EPB41L4A: variants seen among roughly 807,000 people sequenced by gnomAD.
EPB41L4A encodes the protein erythrocyte membrane protein band 4.1 like 4A.
In EPB41L4A, 100 loss-of-function variants were observed where a neutral mutation model predicts 108.6. The observed-to-expected ratio is 0.92, with a 90% CI of 0.78 to 1.09. The LOEUF (loss-of-function observed/expected upper bound fraction) is 1.09. EPB41L4A is among the 50% of genes least tolerant of loss of function. EPB41L4A has a pLI of 0.00. For synonymous variants in EPB41L4A, 319 were observed against 289.0 expected, an observed-to-expected ratio of 1.10 and a Z score of -1.05; for missense variants, 1,030 against 842.7, an observed-to-expected ratio of 1.22 and a Z score of -2.75.
At chr5:112,384,686 AGAAAGGAAGGAAG>A (rs774653168) in intron 1 of EPB41L4A, among the ~76,000 whole-genome samples, 3 of 151,142 alleles carry the variant, frequency 2.0e-5, no homozygotes, top group Non-Finnish European at 2.9e-5. Context: ...CTTTTGAGGA[AGAAAGGAAGGAAG>A]GAAGGAAGGG....
intron 11 of EPB41L4A, among the ~76,000 whole-genome samples, chr5:112,237,077 C>T (rs575009108): frequency 6.6e-6 from 1 of 152,268 alleles, no homozygotes; most frequent in African/African-American, 2.4e-5. Flanking sequence ...AAATTCTACA[C>T]AACTCATTAA....
intron 1 of EPB41L4A, among the ~76,000 whole-genome samples, chr5:112,385,723 C>T (rs1250423082): frequency 1.3e-5 from 2 of 152,010 alleles, no homozygotes; most frequent in African/African-American, 4.8e-5. Context: ...AAATGGAAAC[C>T]GAAAATTGGT....
In EPB41L4A at chr5:112,264,911, A is replaced by T; in HGVS notation, c.539T>A (p.Ile180Asn). ...TGATTCTTACATTAGAGTTTTATGA[A>T]TCCTTTCTATGGCTTCTTCAAGTTC... ...KEELEEAIERIHKTLMGQIPS... is the reference protein window; with the variant it reads ...KEELEEAIERNHKTLMGQIPS... Residue 180 changes from isoleucine to asparagine, a missense_variant, in exon 6 of 23, where the codon ATT becomes AAT. Physicochemically the swap from Ile to Asn is moderately radical, Grantham distance 149. Coordinates refer to ENST00000261486, the MANE Select transcript of EPB41L4A (RefSeq NM_022140.5). 1 of 1,611,936 alleles carries T rather than the reference A, an allele frequency of 6.2e-7. No individual in the cohort carries two copies. Among genetic ancestry groups the T allele is most frequent in the Non-Finnish European group, 8.5e-7 (1 of 1,179,326 alleles).
chr5:112,312,079 T>C (rs1321318962), intron 1 of EPB41L4A, among the ~76,000 whole-genome samples: 3 of 152,244 alleles, frequency 2.0e-5, no homozygotes, highest in African/African-American at 7.2e-5. Flanking sequence ...TTTGTGCTTC[T>C]GTGTCCAGCA....
intron 1 of EPB41L4A, among the ~76,000 whole-genome samples, chr5:112,395,885 C>T (rs1383554208): frequency 6.6e-6 from 1 of 152,168 alleles, no homozygotes; most frequent in Non-Finnish European, 1.5e-5. Context: ...GAAAATGTGG[C>T]ACATTATACA....
intron 1 of EPB41L4A, among the ~76,000 whole-genome samples, chr5:112,394,573 G>C (rs1761198087): frequency 6.6e-6 from 1 of 152,114 alleles, no homozygotes; most frequent in Non-Finnish European, 1.5e-5. Flanking sequence ...ACAAACCACT[G>C]CTCAATGAAA....
At chr5:112,340,345 C>T (rs924283376) in intron 1 of EPB41L4A, among the ~76,000 whole-genome samples, 1 of 152,186 alleles carries the variant, frequency 6.6e-6, no homozygotes, top group African/African-American at 2.4e-5. Flanking sequence ...CCTAATTCAG[C>T]TGATCTGGAG....
intron 9 of EPB41L4A, among the ~76,000 whole-genome samples, chr5:112,244,616 T>C (rs555516719): frequency 2.0e-5 from 3 of 152,270 alleles, no homozygotes; most frequent in East Asian, 1.9e-4. Flanking sequence ...GATGTCTACA[T>C]AGTGTGCGGG....
At chr5:112,411,400 C>T (rs547012702) in intron 1 of EPB41L4A, among the ~76,000 whole-genome samples, 16 of 152,226 alleles carry the variant, frequency 1.1e-4, no homozygotes, top group East Asian at 3.9e-4. Flanking sequence ...TCATACCCCT[C>T]GGAGAACCTG....
At position 112,198,056 on chromosome 5, in the gene EPB41L4A, G is replaced by A. The variant is rs573500031; in HGVS notation, c.1377-2348C>T. Among the ~76,000 whole-genome samples the A allele has an allele frequency of 8.0e-5, 12 of 150,680 alleles. No individual in the cohort carries two copies. The South Asian group carries it at 2.1e-3, about 26-fold the overall frequency. On this transcript the variant is annotated intron_variant, in intron 15 of 22. Transcript: ENST00000261486. ...ATTTTTTTTTCTTTTTTTTTGAGACGGAGTTTCACTCTTGTGGCCCAACCT... is the reference window on the plus strand; with the variant it reads ...ATTTTTTTTTCTTTTTTTTTGAGACAGAGTTTCACTCTTGTGGCCCAACCT...
chr5:112,145,814 C>G (rs1759230271), intron 13 of EPB41L4A: 18 of 418,278 alleles, frequency 4.3e-5, no homozygotes, highest in South Asian at 2.9e-4. Context: ...TAGACACATT[C>G]CTCCATTTGA....
At chr5:112,247,945 A>G (rs935070224) in intron 9 of EPB41L4A, among the ~76,000 whole-genome samples, 2 of 152,184 alleles carry the variant, frequency 1.3e-5, no homozygotes, top group African/African-American at 4.8e-5. Flanking sequence ...GATAAAAGAT[A>G]TTTCAAATCC....
rs140119249 is a variant in EPB41L4A, at chr5:112,344,050, T to C, written c.100-36560A>G. On this transcript the variant is annotated intron_variant, in intron 1 of 22. Transcript: ENST00000261486. ...TCACTGTACTCTAGCCTGAGCAACATAGTGAGAACCAATCTCCTTTAAAAA... is the reference window on the plus strand; with the variant it reads ...TCACTGTACTCTAGCCTGAGCAACACAGTGAGAACCAATCTCCTTTAAAAA... Among the ~76,000 whole-genome samples, 10 of 152,254 alleles carry C rather than the reference T, an allele frequency of 6.6e-5. No homozygotes were observed. The East Asian group carries it at 9.7e-4, about 15-fold the overall frequency.
At chr5:112,180,877 C>A (rs149675391) in intron 18 of EPB41L4A, among the ~76,000 whole-genome samples, 96 of 152,140 alleles carry the variant, frequency 6.3e-4, no homozygotes, top group African/African-American at 2.1e-3. Context: ...GACAAACAAT[C>A]CAATTAAACT....
At chr5:112,171,646 C>CT (rs1317489738) in intron 18 of EPB41L4A, among the ~76,000 whole-genome samples, 2 of 152,250 alleles carry the variant, frequency 1.3e-5, no homozygotes, top group Non-Finnish European at 2.9e-5. Flanking sequence ...ATACCACTAT[C>CT]TTTAACTTCC....
chr5:112,201,715 G>A (rs941909240), intron 15 of EPB41L4A, among the ~76,000 whole-genome samples: 2 of 152,154 alleles, frequency 1.3e-5, no homozygotes, highest in Non-Finnish European at 2.9e-5. Context: ...ATTTCCCAGT[G>A]GTGTTGCTTT....
intron 1 of EPB41L4A, among the ~76,000 whole-genome samples, chr5:112,369,468 T>C (rs1759344935): frequency 6.6e-6 from 1 of 152,234 alleles, no homozygotes; most frequent in Non-Finnish European, 1.5e-5. Flanking sequence ...ATGTAAAAAT[T>C]CTTCCCTTCC....
intron 1 of EPB41L4A, among the ~76,000 whole-genome samples, chr5:112,363,979 A>T (rs575743692): frequency 2.4e-4 from 37 of 152,204 alleles, no homozygotes; most frequent in Non-Finnish European, 4.1e-4. Context: ...ACTCTAGAAA[A>T]GGTAATAATG....
At chr5:112,198,981 C>T (rs1181556052) in intron 15 of EPB41L4A, among the ~76,000 whole-genome samples, 1 of 152,148 alleles carries the variant, frequency 6.6e-6, no homozygotes, top group Non-Finnish European at 1.5e-5. Flanking sequence ...TGCTCAAATG[C>T]AGGCGTTCAT....
Sources: gnomAD v4.1 joint callset for allele counts (sites outside exome capture counted in the v4.1 genomes callset) on GRCh38, gnomAD v4.1.1 for gene constraint, MANE v1.5 for transcripts, NCBI Gene and HGNC (gene_info 2026-07-23, HGNC 2026-07-21) for gene names.